PCDH15: variants seen among roughly 807,000 people sequenced by gnomAD.
PCDH15 encodes protocadherin related 15, also known as protocadherin-15.
PCDH15 carries 129 observed loss-of-function variants against 178.5 expected under a neutral mutation model. That is an observed-to-expected ratio of 0.72 (90% CI 0.63 to 0.84). The LOEUF (loss-of-function observed/expected upper bound fraction) is 0.84, where lower values mean the gene tolerates loss of function less well. PCDH15 is among the 40% of genes least tolerant of loss of function. The pLI, the probability that PCDH15 is intolerant of heterozygous loss-of-function variation, is 0.00. For synonymous variants in PCDH15, 800 were observed against 732.0 expected, an observed-to-expected ratio of 1.09 and a Z score of -1.50; for missense variants, 2,230 against 2,099.9, an observed-to-expected ratio of 1.06 and a Z score of -1.21.
intron 13 of PCDH15, among the ~76,000 whole-genome samples, chr10:54,181,019 A>G (rs144076003): frequency 5.3e-5 from 8 of 152,276 alleles, no homozygotes; most frequent in African/African-American, 1.7e-4. Flanking sequence ...GTTTCTCCAT[A>G]TAATTGCTAT....
intron 1 of PCDH15, among the ~76,000 whole-genome samples, chr10:55,188,808 A>C (rs1839869013): frequency 6.6e-6 from 1 of 151,792 alleles, no homozygotes; most frequent in South Asian, 2.1e-4. Context: ...ATTTCTTATT[A>C]TTTCAATGTA....
intron 3 of PCDH15, among the ~76,000 whole-genome samples, chr10:54,508,585 G>C (rs969465111): frequency 6.6e-6 from 1 of 152,092 alleles, no homozygotes; most frequent in African/African-American, 2.4e-5. Context: ...TCATAATTAA[G>C]TGTTGAATAT....
intron 2 of PCDH15, among the ~76,000 whole-genome samples, chr10:55,461,879 T>A (rs1181953808): frequency 6.6e-6 from 1 of 152,126 alleles, no homozygotes; most frequent in African/African-American, 2.4e-5. Flanking sequence ...TTATCATTCA[T>A]CTGGTTGAAA....
intron 2 of PCDH15, among the ~76,000 whole-genome samples, chr10:55,392,986 T>C (rs1013883211): frequency 1.4e-5 from 2 of 143,532 alleles, no homozygotes; most frequent in African/African-American, 5.5e-5. Flanking sequence ...TGTATGTGTG[T>C]GTGTGTGTGT....
intron 2 of PCDH15, among the ~76,000 whole-genome samples, chr10:55,501,779 T>C (rs973468547): frequency 6.6e-6 from 1 of 151,680 alleles, no homozygotes; most frequent in Non-Finnish European, 1.5e-5. Flanking sequence ...TTAAAGCACC[T>C]GTGAATTGCA....
chr10:54,831,754 T>C (rs778202695), intron 3 of PCDH15, among the ~76,000 whole-genome samples: 14 of 152,080 alleles, frequency 9.2e-5, no homozygotes, highest in Non-Finnish European at 2.1e-4. Flanking sequence ...TTATATTGTT[T>C]AGATAGTATA....
intron 3 of PCDH15, among the ~76,000 whole-genome samples, chr10:54,442,437 TA>T (rs2075871530): frequency 8.4e-6 from 1 of 119,022 alleles, no homozygotes; most frequent in South Asian, 2.5e-4. Flanking sequence ...TATATATATA[TA>T]TATATATATA....
chr10:55,356,263 G>T (rs1382408086), intron 2 of PCDH15, among the ~76,000 whole-genome samples: 1 of 151,554 alleles, frequency 6.6e-6, no homozygotes, highest in African/African-American at 2.4e-5. Context: ...GAATGAGAGA[G>T]GGAAAGAATA....
intron 15 of PCDH15, among the ~76,000 whole-genome samples, chr10:54,095,659 G>T (rs959188533): frequency 7.9e-5 from 12 of 152,142 alleles, no homozygotes; most frequent in Non-Finnish European, 1.6e-4. Context: ...CAGAATCACT[G>T]CTGGTAGTGT....
At chr10:54,537,387 T>C (rs1414851275) in intron 2 of PCDH15, among the ~76,000 whole-genome samples, 1 of 152,106 alleles carries the variant, frequency 6.6e-6, no homozygotes, top group African/African-American at 2.4e-5. Context: ...TACTCTAAAA[T>C]ATCAAGGAGG....
chr10:54,455,880 T>A (rs1001065181), intron 3 of PCDH15, among the ~76,000 whole-genome samples: 2 of 152,210 alleles, frequency 1.3e-5, no homozygotes, highest in African/African-American at 4.8e-5. Context: ...CGGGTCAGTG[T>A]ACAGCTCAGG....
intron 1 of PCDH15, among the ~76,000 whole-genome samples, chr10:54,694,967 A>G (rs2095195934): frequency 6.6e-6 from 1 of 151,620 alleles, no homozygotes; most frequent in Non-Finnish European, 1.5e-5. Context: ...GTGAATGCAA[A>G]GGAAAAGTTC....
At chr10:55,023,326 A>C (rs545505292) in intron 2 of PCDH15, among the ~76,000 whole-genome samples, 1 of 152,338 alleles carries the variant, frequency 6.6e-6, no homozygotes, top group African/African-American at 2.4e-5. Flanking sequence ...GAAGAAAACT[A>C]ATATTCAAAT....
In PCDH15 at chr10:54,664,277, C is replaced by T. The variant is rs770435693; in HGVS notation, c.-15G>A. 11 of 1,592,772 alleles carry T rather than the reference C, an allele frequency of 6.9e-6. No homozygotes were observed. Among genetic ancestry groups the T allele is most frequent in the Admixed American group, 1.7e-5 (1 of 59,514 alleles). ...TGTCGAAACATCTTCTGTCAAAGTT[C>T]ACTCAAAGCTGATCTGAAATAAGAA... On this transcript the variant is annotated 5_prime_UTR_variant, in exon 2 of 38. Coordinates refer to ENST00000644397, the MANE Select transcript of PCDH15 (RefSeq NM_001384140.1).
chr10:54,892,646 G>A (rs561669384), intron 3 of PCDH15, among the ~76,000 whole-genome samples: 1 of 151,158 alleles, frequency 6.6e-6, no homozygotes, highest in Non-Finnish European at 1.5e-5. Context: ...TGAGATGCAT[G>A]GAGGATTGAT....
chr10:53,835,370 A>G (rs888406444), intron 29 of PCDH15, among the ~76,000 whole-genome samples: 2 of 152,280 alleles, frequency 1.3e-5, no homozygotes, highest in Middle Eastern at 3.4e-3. Flanking sequence ...TTATTTTTAA[A>G]TTTTAATTAA....
chr10:53,884,710 A>T (rs1217413751), intron 26 of PCDH15, among the ~76,000 whole-genome samples: 2 of 152,202 alleles, frequency 1.3e-5, no homozygotes, highest in East Asian at 3.8e-4. Context: ...CTTTTTCAGG[A>T]CAAAGCAGAA....
intron 2 of PCDH15, among the ~76,000 whole-genome samples, chr10:54,571,795 CT>C (rs1346914247): frequency 1.3e-5 from 2 of 152,176 alleles, no homozygotes; most frequent in East Asian, 1.9e-4. Flanking sequence ...TTAAAAAAAG[CT>C]TTTGTTTTTA....
chr10:54,462,307 T>C (rs1305292724), intron 3 of PCDH15, among the ~76,000 whole-genome samples: 3 of 141,458 alleles, frequency 2.1e-5, no homozygotes, highest in Non-Finnish European at 3.0e-5. Context: ...CACATATATA[T>C]ATATATAAAA....
Sources: gnomAD v4.1 joint callset for allele counts (sites outside exome capture counted in the v4.1 genomes callset) on GRCh38, gnomAD v4.1.1 for gene constraint, MANE v1.5 for transcripts, NCBI Gene and HGNC (gene_info 2026-07-23, HGNC 2026-07-21) for gene names.